The following TRPC3 variants were observed in gnomAD, a reference collection of about 807,000 sequenced individuals.
TRPC3 encodes transient receptor potential cation channel subfamily C member 3, also known as short transient receptor potential channel 3.
Under a neutral mutation model 90.9 loss-of-function variants are expected in TRPC3, and 54 were observed. The observed-to-expected ratio is 0.59, with a 90% CI of 0.48 to 0.75. TRPC3 has a LOEUF of 0.75. TRPC3 is among the 30% of genes least tolerant of loss of function. The probability of loss-of-function intolerance (pLI) is 0.00; values close to 1 mark genes in which losing one functional copy is unlikely to be tolerated. For synonymous variants in TRPC3, 424 were observed against 450.9 expected (o/e 0.94, Z 0.75); for missense variants, 918 against 1,194.5 (o/e 0.77, Z 3.41).
chr4:121,886,922 C>T (rs2149106970), intron 10 of TRPC3, among the ~76,000 whole-genome samples: 1 of 152,262 alleles, frequency 6.6e-6, no homozygotes, highest in South Asian at 2.1e-4. Context: ...GCAGCAATTA[C>T]TAGTGGGTTT....
At chr4:121,900,328 T>G (rs1334504888) in intron 9 of TRPC3, among the ~76,000 whole-genome samples, 1 of 152,208 alleles carries the variant, frequency 6.6e-6, no homozygotes, top group African/African-American at 2.4e-5. Context: ...CTAGTCTTCA[T>G]GTATACGAGC....
At chr4:121,908,080 T>C (rs1238527385) in intron 6 of TRPC3, among the ~76,000 whole-genome samples, 1 of 152,160 alleles carries the variant, frequency 6.6e-6, no homozygotes, top group East Asian at 1.9e-4. Flanking sequence ...CGATGTGTTA[T>C]CTCAGCAATA....
chr4:121,918,489 T>C (rs1280537830), intron 3 of TRPC3, among the ~76,000 whole-genome samples: 1 of 152,218 alleles, frequency 6.6e-6, no homozygotes, highest in Admixed American at 6.5e-5. Context: ...TTGCACAGCT[T>C]CAAAGACTTG....
At chr4:121,915,774 T>C (rs563482805) in intron 3 of TRPC3, among the ~76,000 whole-genome samples, 1 of 152,328 alleles carries the variant, frequency 6.6e-6, no homozygotes, top group East Asian at 1.9e-4. Context: ...TAAAGCCCTG[T>C]TCTTATTCAA....
chr4:121,895,064 C>A (rs951344018), intron 10 of TRPC3, among the ~76,000 whole-genome samples: 1 of 151,854 alleles, frequency 6.6e-6, no homozygotes, highest in Non-Finnish European at 1.5e-5. Flanking sequence ...CCTGAATGAC[C>A]AATGAGTCAA....
chr4:121,892,613 G>A (rs1188163989), intron 10 of TRPC3, among the ~76,000 whole-genome samples: 3 of 152,164 alleles, frequency 2.0e-5, no homozygotes, highest in South Asian at 2.1e-4. Context: ...AGGTTTGTAT[G>A]TGGTGGTTTT....
At position 121,913,792 on chromosome 4, in the gene TRPC3, T is replaced by C. The variant is rs527479493; in HGVS notation, c.1341+988A>G. ...CAAACATGATCAAAATGACAAACTT[T>C]CTGCCTTAATTTGCATGGGCAACTC... On this transcript the variant is annotated intron_variant, in intron 4 of 11. Coordinates refer to ENST00000379645, the MANE Select transcript of TRPC3 (RefSeq NM_001130698.2). Among the ~76,000 whole-genome samples, 5 of 152,370 alleles carry C rather than the reference T, an allele frequency of 3.3e-5. No homozygotes were observed. In the South Asian group the frequency reaches 1.0e-3, roughly 32 times the overall value.
At position 121,942,370 on chromosome 4, in the gene TRPC3, G is replaced by T. The variant is rs112387695; in HGVS notation, c.215+9096C>A. On this transcript the variant is annotated intron_variant, in intron 1 of 11. Transcript: ENST00000379645. ...TGAAGCCAGAAGTTCTAGACCAACTGGGGCAACAAAGTGAAACCCCATCTC... is the reference window on the plus strand; with the variant it reads ...TGAAGCCAGAAGTTCTAGACCAACTTGGGCAACAAAGTGAAACCCCATCTC... Among the ~76,000 whole-genome samples, 840 of 152,176 alleles carry T rather than the reference G, an allele frequency of 5.5e-3. 10 individuals are homozygous for T. Among genetic ancestry groups the T allele is most frequent in the African/African-American group, 0.019 (804 of 41,508 alleles).
intron 10 of TRPC3, among the ~76,000 whole-genome samples, chr4:121,891,803 CCAAA>C (rs1313497046): frequency 6.6e-6 from 1 of 152,248 alleles, no homozygotes; most frequent in East Asian, 1.9e-4. Flanking sequence ...CTTTAGCAAC[CCAAA>C]CACTTTTTCC....
chr4:121,925,239 A>G (rs1444224623), intron 2 of TRPC3, 33 bp from the exon 3 acceptor site: 2 of 1,577,440 alleles, frequency 1.3e-6, no homozygotes, highest in African/African-American at 2.7e-5. Context: ...TTTAACACAA[A>G]TAATTTGCTT....
At chr4:121,922,072 C>T (rs1322061129) in intron 3 of TRPC3, among the ~76,000 whole-genome samples, 1 of 151,888 alleles carries the variant, frequency 6.6e-6, no homozygotes, top group African/African-American at 2.4e-5. Flanking sequence ...GTGCCTGCCA[C>T]CACGCCCGTC....
At chr4:121,898,999 C>A (rs773221513) in intron 10 of TRPC3, among the ~76,000 whole-genome samples, 1 of 152,090 alleles carries the variant, frequency 6.6e-6, no homozygotes, top group Admixed American at 6.5e-5. Flanking sequence ...ATTCCTTGAT[C>A]GTCACTTTTG....
chr4:121,925,361 T>C (rs1241560747), intron 2 of TRPC3, among the ~76,000 whole-genome samples, 155 bp from the exon 3 acceptor site: 1 of 152,076 alleles, frequency 6.6e-6, no homozygotes, highest in Non-Finnish European at 1.5e-5. Context: ...ACAGGCTGGA[T>C]TTGCACCCAC....
chr4:121,908,749 A>C (rs1428062449), intron 6 of TRPC3, among the ~76,000 whole-genome samples: 1 of 152,150 alleles, frequency 6.6e-6, no homozygotes. Flanking sequence ...AAGGGTTGAA[A>C]AACATCTATT....
chr4:121,908,929 A>G (rs1728986162), intron 6 of TRPC3, among the ~76,000 whole-genome samples: 1 of 152,130 alleles, frequency 6.6e-6, no homozygotes, highest in African/African-American at 2.4e-5. Flanking sequence ...GCTTTCAATG[A>G]TCCTATGGAT....
chr4:121,926,750 C>G (rs906006820), intron 2 of TRPC3, among the ~76,000 whole-genome samples: 27 of 152,296 alleles, frequency 1.8e-4, no homozygotes, highest in African/African-American at 5.3e-4. Flanking sequence ...TTTAGGTTGA[C>G]AGTGAAAAAT....
rs200366233 is a variant in TRPC3, at chr4:121,910,168, T to C, written c.1778A>G (p.Gln593Arg). Reference protein sequence around the residue: ...LSEVTLPPEIQYFTYARDKWL... With the variant: ...LSEVTLPPEIRYFTYARDKWL... ...TAACAACTTACCATAAGTGAAATAC[T>C]GTATCTCTGGTGGGAGTGTCACTTC... The change falls in exon 6 of 12, where the codon CAG becomes CGG. Residue 593 changes from glutamine to arginine, a missense_variant. By Grantham distance (43) the Gln-to-Arg change is conservative (BLOSUM62 1). Transcript: ENST00000379645. 2.5e-5 allele frequency: 40 copies of C among 1,613,282 alleles called. No homozygotes were observed. The highest frequency in any genetic ancestry group is 1.7e-4 in the Middle Eastern group (1 of 6,054).
intron 3 of TRPC3, among the ~76,000 whole-genome samples, chr4:121,919,853 G>A (rs142981304): frequency 4.6e-5 from 7 of 152,110 alleles, no homozygotes; most frequent in African/African-American, 1.7e-4. Context: ...AGATTCAGTG[G>A]TCTACCAAGC....
intron 6 of TRPC3, among the ~76,000 whole-genome samples, chr4:121,909,158 C>G (rs1023909925): frequency 6.6e-6 from 1 of 152,060 alleles, no homozygotes; most frequent in Non-Finnish European, 1.5e-5. Flanking sequence ...AAATGGTGAT[C>G]ATTTGCTCAT....
Sources: allele counts gnomAD v4.1 joint callset (sites outside exome capture counted in the v4.1 genomes callset), GRCh38; gene constraint gnomAD v4.1.1; transcripts MANE v1.5; gene names NCBI Gene and HGNC (gene_info 2026-07-23, HGNC 2026-07-21).